The following TNS3 variants were observed in gnomAD, a reference collection of about 807,000 sequenced individuals.
The protein encoded by TNS3 is tensin-3.
TNS3 carries 45 observed loss-of-function variants against 140.9 expected under a neutral mutation model. The observed-to-expected ratio is 0.32, with a 90% CI of 0.25 to 0.41. The LOEUF (loss-of-function observed/expected upper bound fraction) is 0.41. TNS3 is among the 10% of genes least tolerant of loss of function. The pLI is 1.00. For missense variants in TNS3, 1,716 were observed against 1,906.7 expected (o/e 0.90, Z 1.86); for synonymous variants, 815 against 788.4 (o/e 1.03, Z -0.56).
chr7:47,444,475 A>G (rs1795624211), intron 4 of TNS3, among the ~76,000 whole-genome samples: 1 of 152,266 alleles, frequency 6.6e-6, no homozygotes, highest in South Asian at 2.1e-4. Context: ...CATCATTCCA[A>G]GATGACAACC....
chr7:47,579,912 T>C (rs1784487683), intron 1 of TNS3: 1 of 896,836 alleles, frequency 1.1e-6, no homozygotes, highest in South Asian at 5.1e-5. Context: ...TGGAAGAGCA[T>C]ACTTTGACAC....
rs920650323 is a variant in TNS3, at chr7:47,346,463, T to G, written c.2282-107A>C. On this transcript the variant is annotated intron_variant, in intron 17 of 30. Transcript: ENST00000311160. Reference sequence around the variant, plus strand: ...CTTCTCAAAGGTGCTGTATGCTGCATCCTGGTCACCACTGCTCTGGGAAGA... The same window carrying G: ...CTTCTCAAAGGTGCTGTATGCTGCAGCCTGGTCACCACTGCTCTGGGAAGA... The G allele has an allele frequency of 5.2e-6, 7 of 1,352,792 alleles. No homozygotes were observed. In the African/African-American group the frequency reaches 1.0e-4, roughly 20 times the overall value. 83.8% of individuals were successfully genotyped at this position (1,352,792 alleles called of 1,614,324 possible).
At chr7:47,329,167 C>T (rs1392814281) in intron 20 of TNS3, among the ~76,000 whole-genome samples, 1 of 152,104 alleles carries the variant, frequency 6.6e-6, no homozygotes, top group Non-Finnish European at 1.5e-5. Flanking sequence ...TGTGTCTGGG[C>T]CTTAGAGACA....
chr7:47,500,082 A>AACAC (rs746427298), intron 3 of TNS3, among the ~76,000 whole-genome samples: 1 of 151,914 alleles, frequency 6.6e-6, no homozygotes, highest in Non-Finnish European at 1.5e-5. Context: ...CAAACATTAA[A>AACAC]ACACACACAC....
At chr7:47,497,434 T>G (rs542056146) in intron 3 of TNS3, among the ~76,000 whole-genome samples, 12 of 152,298 alleles carry the variant, frequency 7.9e-5, no homozygotes, top group African/African-American at 2.9e-4. Flanking sequence ...GGTTAATTCC[T>G]GTTTTATAGA....
chr7:47,416,742 C>T (rs914422079), intron 10 of TNS3, among the ~76,000 whole-genome samples: 15 of 152,148 alleles, frequency 9.9e-5, no homozygotes, highest in South Asian at 2.1e-4. Flanking sequence ...CTCAGTTGTA[C>T]GTAGGCAGAG....
intron 16 of TNS3, among the ~76,000 whole-genome samples, chr7:47,371,050 G>A (rs972898128): frequency 1.6e-4 from 25 of 152,222 alleles, no homozygotes; most frequent in African/African-American, 4.6e-4. Flanking sequence ...GGGAAAGCAC[G>A]CAGAGAAGTG....
At chr7:47,568,443 C>T (rs1800478157) in intron 1 of TNS3, among the ~76,000 whole-genome samples, 1 of 152,138 alleles carries the variant, frequency 6.6e-6, no homozygotes, top group South Asian at 2.1e-4. Flanking sequence ...ACCTTCTGAG[C>T]CTCAGTTTCT....
intron 28 of TNS3, among the ~76,000 whole-genome samples, chr7:47,282,933 G>A (rs963373604): frequency 3.9e-5 from 6 of 152,002 alleles, no homozygotes; most frequent in Non-Finnish European, 8.8e-5. Flanking sequence ...TGGGGGCCCT[G>A]CTCGGGGAGC....
chr7:47,515,015 C>T (rs1192894963), intron 2 of TNS3, among the ~76,000 whole-genome samples: 1 of 152,192 alleles, frequency 6.6e-6, no homozygotes, highest in Non-Finnish European at 1.5e-5. Flanking sequence ...AGCACACCAG[C>T]AAGGTTTTGA....
chr7:47,545,135 G>C (rs1159844564), intron 1 of TNS3, among the ~76,000 whole-genome samples: 1 of 133,368 alleles, frequency 7.5e-6, no homozygotes, highest in African/African-American at 2.7e-5. Context: ...AGATGCGTAA[G>C]AGGGCATTTT....
At chr7:47,293,407 G>A (rs1304833498) in intron 25 of TNS3, among the ~76,000 whole-genome samples, 1 of 152,174 alleles carries the variant, frequency 6.6e-6, no homozygotes, top group African/African-American at 2.4e-5. Flanking sequence ...GTTGTTCCTT[G>A]TGCTGTGGGA....
chr7:47,281,680 C>T (rs1785151678), intron 28 of TNS3, among the ~76,000 whole-genome samples: 1 of 152,210 alleles, frequency 6.6e-6, no homozygotes, highest in South Asian at 2.1e-4. Flanking sequence ...CTGATGTGGA[C>T]ATGACCCATC....
intron 2 of TNS3, among the ~76,000 whole-genome samples, chr7:47,517,852 G>A (rs1023948514): frequency 1.3e-5 from 2 of 152,174 alleles, no homozygotes; most frequent in African/African-American, 2.4e-5. Flanking sequence ...AAAGTCTGAA[G>A]AGACAAGAAG....
chr7:47,352,432 G>A (rs1789741220), intron 17 of TNS3, among the ~76,000 whole-genome samples: 3 of 152,170 alleles, frequency 2.0e-5, no homozygotes, highest in Admixed American at 2.0e-4. Flanking sequence ...CGGCCCCACA[G>A]CTGCATGTGC....
At chr7:47,498,361 A>G (rs1798090009) in intron 3 of TNS3, among the ~76,000 whole-genome samples, 1 of 152,162 alleles carries the variant, frequency 6.6e-6, no homozygotes, top group Non-Finnish European at 1.5e-5. Flanking sequence ...GGATGCAGGG[A>G]CCCACATTCT....
At chr7:47,300,069 A>G (rs1786301674) in intron 23 of TNS3, among the ~76,000 whole-genome samples, 1 of 152,206 alleles carries the variant, frequency 6.6e-6, no homozygotes, top group African/African-American at 2.4e-5. Context: ...CAAGGAATTA[A>G]GTATGTGACA....
At chr7:47,353,975 AC>A (rs1396757636) in intron 17 of TNS3, among the ~76,000 whole-genome samples, 2 of 142,276 alleles carry the variant, frequency 1.4e-5, no homozygotes, top group Admixed American at 1.5e-4. Context: ...AAACAAACAA[AC>A]AAACACAGAG....
chr7:47,294,688 T>G (rs756501105), intron 24 of TNS3, among the ~76,000 whole-genome samples: 2 of 152,208 alleles, frequency 1.3e-5, no homozygotes, highest in Non-Finnish European at 2.9e-5. Flanking sequence ...ACAGTAGGCT[T>G]CCAAAAGATG....
Sources: allele counts gnomAD v4.1 joint callset (sites outside exome capture counted in the v4.1 genomes callset), GRCh38; gene constraint gnomAD v4.1.1; transcripts MANE v1.5; gene names NCBI Gene and HGNC (gene_info 2026-07-23, HGNC 2026-07-21).